CARM1: variants seen among roughly 807,000 people sequenced by gnomAD.
CARM1 encodes histone-arginine methyltransferase CARM1.
Under a neutral mutation model 72.7 loss-of-function variants are expected in CARM1, and 14 were observed. The observed-to-expected ratio is 0.19, with a 90% CI of 0.13 to 0.30. CARM1 has a LOEUF of 0.30. CARM1 is among the 10% of genes least tolerant of loss of function. The probability of loss-of-function intolerance (pLI) is 1.00; values close to 1 mark genes in which losing one functional copy is unlikely to be tolerated. For missense variants in CARM1, 432 were observed against 833.7 expected (o/e 0.52, Z 5.93); for synonymous variants, 333 against 345.5 (o/e 0.96, Z 0.40).
intron 1 of CARM1, among the ~76,000 whole-genome samples, chr19:10,894,423 C>G (rs977827525): frequency 1.3e-5 from 2 of 151,990 alleles, no homozygotes; most frequent in African/African-American, 4.8e-5. Context: ...CGGGGTGTCT[C>G]CCTCTTTTTA....
intron 1 of CARM1, among the ~76,000 whole-genome samples, chr19:10,884,013 GTT>G (rs772915996): frequency 9.9e-6 from 1 of 100,554 alleles, no homozygotes; most frequent in Non-Finnish European, 2.0e-5. Flanking sequence ...GCGAGACTCT[GTT>G]TTTTTTTTTT....
At chr19:10,888,029 T>A (rs538622052) in intron 1 of CARM1, among the ~76,000 whole-genome samples, 1 of 152,160 alleles carries the variant, frequency 6.6e-6, no homozygotes, top group African/African-American at 2.4e-5. Context: ...CAGCCTGGGG[T>A]CTTCTTGCCG....
At chr19:10,876,285 C>T (rs1188736120) in intron 1 of CARM1, among the ~76,000 whole-genome samples, 1 of 152,184 alleles carries the variant, frequency 6.6e-6, no homozygotes, top group Non-Finnish European at 1.5e-5. Context: ...CTTGGCCTCC[C>T]AAAGTGCTAG....
intron 1 of CARM1, among the ~76,000 whole-genome samples, chr19:10,899,909 C>T (rs917314845): frequency 2.0e-5 from 3 of 151,954 alleles, no homozygotes; most frequent in East Asian, 1.9e-4. Flanking sequence ...TTAGTAAAGA[C>T]GGGGTTTTGC....
intron 1 of CARM1, among the ~76,000 whole-genome samples, chr19:10,873,646 T>C (rs1354624186): frequency 7.8e-6 from 1 of 128,100 alleles, no homozygotes; most frequent in Non-Finnish European, 1.7e-5. Flanking sequence ...TTTTTTTTTT[T>C]TTTTTTTTTT....
chr19:10,906,566 G>A lies in CARM1; in HGVS notation c.347-1473G>A, dbSNP rs562126312. Among the ~76,000 whole-genome samples, 26 of 152,234 alleles carry A rather than the reference G, an allele frequency of 1.7e-4. No individual in the cohort carries two copies. In the South Asian group the frequency reaches 2.9e-3, roughly 17 times the overall value. The stretch of plus-strand genomic sequence containing the variant: ...CAACCTCCATCTCCCAGGTTCAAGC[G>A]ATTCTCCTGCCTCAGCGCCCTGAGT... On this transcript the variant is annotated intron_variant, in intron 2 of 15. Coordinates refer to ENST00000327064, the MANE Select transcript of CARM1 (RefSeq NM_199141.2).
At position 10,886,543 on chromosome 19, in the gene CARM1, G is replaced by C. The variant is rs193278675; in HGVS notation, c.220+14621G>C. ...ATCTTTTTTTTTCTTTTTTAGAGAT[G>C]GGGGCTGGGTGCGGTGGCTCACGCC... On this transcript the variant is annotated intron_variant, in intron 1 of 15. Coordinates refer to ENST00000327064, the MANE Select transcript of CARM1 (RefSeq NM_199141.2). Among the ~76,000 whole-genome samples, 351 of 150,004 alleles carry C rather than the reference G, an allele frequency of 2.3e-3. 3 individuals carry two copies. The highest frequency in any genetic ancestry group is 8.2e-3 in the African/African-American group (337 of 40,864).
rs2074236129 is a variant in CARM1, at chr19:10,920,762, C to T, written c.1424+14C>T. ...CCCCTTCTTTAGGTAGGAGGGGCCC[C>T]TTGCCTGCACAGGGGGGCGCCCCGG... On this transcript the variant is annotated intron_variant, in intron 12 of 15. Transcript: ENST00000327064. This position sits in a 1 kb window ranked among gnomAD's most constrained non-coding sequence, Gnocchi z 5.3. 1.2e-6 allele frequency: 2 copies of T among 1,613,970 alleles called. No individual in the cohort carries two copies. Among genetic ancestry groups the T allele is most frequent in the South Asian group, 2.2e-5 (2 of 91,076 alleles).
chr19:10,918,189 C>T (rs1321164559), intron 8 of CARM1, among the ~76,000 whole-genome samples: 1 of 152,058 alleles, frequency 6.6e-6, no homozygotes, highest in African/African-American at 2.4e-5. Context: ...CAGTGGTTAG[C>T]CTCATTACCA....
intron 8 of CARM1, among the ~76,000 whole-genome samples, chr19:10,917,180 G>T (rs1259729385): frequency 6.6e-6 from 1 of 152,084 alleles, no homozygotes; most frequent in Non-Finnish European, 1.5e-5. Context: ...ATAGATCCAT[G>T]ATTTAAAAAT....
chr19:10,905,236 A>C (rs2074094179), intron 2 of CARM1, among the ~76,000 whole-genome samples, 160 bp downstream of exon 2: 1 of 151,984 alleles, frequency 6.6e-6, no homozygotes, highest in South Asian at 2.1e-4. Context: ...CCCAGAATAC[A>C]CTCTGGCCTG....
chr19:10,895,027 G>A (rs184688498), intron 1 of CARM1, among the ~76,000 whole-genome samples: 7 of 152,044 alleles, frequency 4.6e-5, no homozygotes, highest in African/African-American at 1.7e-4. Context: ...TTACAGGCGG[G>A]AGCCACTGTT....
At position 10,912,339 on chromosome 19, in the gene CARM1, A is replaced by G; in HGVS notation, c.669+45A>G. The G allele has an allele frequency of 1.4e-6, 2 of 1,427,658 alleles. No individual in the cohort carries two copies. Among genetic ancestry groups the G allele is most frequent in the Non-Finnish European group, 2.0e-6 (2 of 1,013,232 alleles). The allele number at this position is 1,427,658 out of a possible 1,614,324, so 88.4% of individuals were successfully genotyped here. ...CCACCCAGCCTCGTCCTCGCCCATG[A>G]GTGCCATGCCGGCCCCAGCCTAGAG... On this transcript the variant is annotated intron_variant, in intron 5 of 15. Coordinates refer to ENST00000327064, the MANE Select transcript of CARM1 (RefSeq NM_199141.2). The surrounding 1 kb of genome is among the most constrained non-coding windows in gnomAD (Gnocchi z 4.5).
At chr19:10,888,818 A>T (rs565446277) in intron 1 of CARM1, among the ~76,000 whole-genome samples, 1 of 152,304 alleles carries the variant, frequency 6.6e-6, no homozygotes, top group South Asian at 2.1e-4. Flanking sequence ...CTCCCAGTGA[A>T]GGGGGTGCCC....
chr19:10,916,664 G>T lies in CARM1; in HGVS notation c.939-32G>T. The T allele has an allele frequency of 6.4e-7, 1 of 1,556,578 alleles. No homozygotes were observed. Among genetic ancestry groups the T allele is most frequent in the East Asian group, 2.3e-5 (1 of 42,648 alleles). On this transcript the variant is annotated intron_variant, in intron 7 of 15. Coordinates refer to ENST00000327064, the MANE Select transcript of CARM1 (RefSeq NM_199141.2). The surrounding 1 kb of genome is among the most constrained non-coding windows in gnomAD (Gnocchi z 4.4). ...CCCCACCTGCCTCTTCTGCAGCCCT[G>T]ACCTTGCTGTGGGGGTGGGGCCTGT...
Position 10,871,616 on chromosome 19 carries a change from G to GGCGGCGGCGGCGGCGGCA in CARM1, c.-70_-69insAGCGGCGGCGGCGGCGGC, listed in dbSNP as rs2073815721. 2.2e-5 allele frequency: 3 copies of GGCGGCGGCGGCGGCGGCA among 136,450 alleles called. No homozygotes were observed. Among genetic ancestry groups the GGCGGCGGCGGCGGCGGCA allele is most frequent in the African/African-American group, 9.3e-5 (3 of 32,376 alleles). 8.5% of individuals were successfully genotyped at this position (136,450 alleles called of 1,614,324 possible). A position where few individuals can be genotyped will look rare whatever the true frequency, so the allele number is the denominator to read the frequency against. Reference sequence around the variant, plus strand: ...CGGCGGCGGCGGCGGCGGCGGCGGCGGCGGCGGCGGCGGCGGCGGCGGCAG... The same window carrying GGCGGCGGCGGCGGCGGCA: ...CGGCGGCGGCGGCGGCGGCGGCGGCGGCGGCGGCGGCGGCGGCAGCGGCGGCGGCGGCGGCGGCGGCAG... On this transcript the variant is annotated 5_prime_UTR_variant, in exon 1 of 16. Transcript: ENST00000327064. The surrounding 1 kb of genome is among the most constrained non-coding windows in gnomAD (Gnocchi z 5.6).
chr19:10,882,169 C>T (rs1568346023), intron 1 of CARM1, among the ~76,000 whole-genome samples: 1 of 151,498 alleles, frequency 6.6e-6, no homozygotes, highest in Non-Finnish European at 1.5e-5. Context: ...TTGTGAGTGG[C>T]GAGCTGATAG....
intron 1 of CARM1, among the ~76,000 whole-genome samples, chr19:10,873,771 C>G (rs1316977806): frequency 1.3e-5 from 2 of 150,852 alleles, no homozygotes; most frequent in Non-Finnish European, 2.9e-5. Flanking sequence ...TCCCGAGTAG[C>G]TGGGACTACA....
intron 1 of CARM1, among the ~76,000 whole-genome samples, chr19:10,873,358 G>A (rs1329006358): frequency 6.6e-6 from 1 of 151,966 alleles, no homozygotes; most frequent in East Asian, 1.9e-4. Flanking sequence ...GGGAGGCTAA[G>A]CACTTTGGGA....
Sources: gnomAD v4.1 joint callset for allele counts (sites outside exome capture counted in the v4.1 genomes callset) on GRCh38, gnomAD v4.1.1 for gene constraint, Gnocchi (gnomAD v3.1) non-coding constraint, MANE v1.5 for transcripts, NCBI Gene and HGNC (gene_info 2026-07-23, HGNC 2026-07-21) for gene names.